The following SASH1 variants were observed in gnomAD, a reference collection of about 807,000 sequenced individuals.
The protein encoded by SASH1 is SAM and SH3 domain containing 1, also known as SAM and SH3 domain-containing protein 1.
SASH1 carries 44 observed loss-of-function variants against 125.2 expected under a neutral mutation model. That is an observed-to-expected ratio of 0.35 (90% CI 0.28 to 0.45). SASH1 has a LOEUF of 0.45. Ranked by LOEUF, SASH1 falls within the 20% of genes least tolerant of loss-of-function variation. SASH1 has a pLI of 1.00. For missense variants in SASH1, 1,426 were observed against 1,614.5 expected (o/e 0.88, Z 2.00); for synonymous variants, 639 against 649.1 (o/e 0.98, Z 0.24).
intron 1 of SASH1, among the ~76,000 whole-genome samples, chr6:148,326,386 T>TATATATATATACACA (rs1780826472): frequency 1.6e-5 from 1 of 63,194 alleles, no homozygotes; most frequent in Non-Finnish European, 3.0e-5. Flanking sequence ...ATTCTTTTCT[T>TATATATATATACACA]TTCTTTTCTT....
At chr6:148,512,999 C>A in intron 8 of SASH1, 4 of 985,310 alleles carry the variant, frequency 4.1e-6, no homozygotes, top group Non-Finnish European at 4.8e-6. Flanking sequence ...CCCTTACTAT[C>A]CTTGTACTAA....
intron 4 of SASH1, among the ~76,000 whole-genome samples, chr6:148,461,197 G>C (rs1188449210): frequency 6.6e-6 from 1 of 152,208 alleles, no homozygotes; most frequent in Non-Finnish European, 1.5e-5. Flanking sequence ...TGGCAGCGCT[G>C]TCATTTACCC....
chr6:148,495,120 A>G lies in SASH1; in HGVS notation c.729+7405A>G, dbSNP rs1263909420. 6.6e-6 allele frequency among the ~76,000 whole-genome samples: 1 copy of G among 152,236 alleles called. No individual in the cohort carries two copies. The highest frequency in any genetic ancestry group is 1.5e-5 in the Non-Finnish European group (1 of 68,040). ...TAGTCGAAATAGAACATTCTGAAAG[A>G]TAATTTGCTAATAACAATTCTGGTA... On this transcript the variant is annotated intron_variant, in intron 8 of 19. Transcript: ENST00000367467. This position sits in a 1 kb window ranked among gnomAD's most constrained non-coding sequence, Gnocchi z 4.0.
chr6:148,265,629 T>A, the SASH1 span, among the ~76,000 whole-genome samples: 1 of 152,154 alleles, frequency 6.6e-6, no homozygotes, highest in African/African-American at 2.4e-5. Flanking sequence ...CATAAGAGCA[T>A]TGATTAATGT....
upstream of SASH1, among the ~76,000 whole-genome samples, chr6:148,339,913 A>AT (rs1333031028): frequency 4.6e-5 from 7 of 152,188 alleles, no homozygotes; most frequent in Non-Finnish European, 1.0e-4. Context: ...ACCCTGAAAC[A>AT]TACTATAACC....
chr6:148,471,594 A>G, intron 6 of SASH1, 91 bp downstream of exon 6: 1 of 776,712 alleles, frequency 1.3e-6, no homozygotes, highest in South Asian at 1.6e-5. Context: ...GCTATAAGTT[A>G]GCGTAACTCA....
intron 2 of SASH1, among the ~76,000 whole-genome samples, chr6:148,399,959 A>G (rs1261539741): frequency 6.6e-6 from 1 of 152,250 alleles, no homozygotes; most frequent in Non-Finnish European, 1.5e-5. Flanking sequence ...TAACAATTAT[A>G]TACATTTTTA....
intron 1 of SASH1, among the ~76,000 whole-genome samples, chr6:148,343,787 G>T (rs567574994): frequency 2.6e-5 from 4 of 152,290 alleles, no homozygotes; most frequent in African/African-American, 9.6e-5. Context: ...GAAATGTCCA[G>T]TGACTAAAAG....
In SASH1 at chr6:148,544,668, G is replaced by C. The variant is rs1307883378; in HGVS notation, c.3198G>C (p.Glu1066Asp). The change falls in exon 18 of 20, where the codon GAG (glutamate) becomes GAC (aspartate). Residue 1066 changes from glutamate (E) to aspartate (D), a missense_variant. Coordinates refer to ENST00000367467, the MANE Select transcript of SASH1 (RefSeq NM_015278.5). The surrounding 1 kb of genome is among the most constrained non-coding windows in gnomAD (Gnocchi z 6.4). ...RPPPWLSELP[E>D]NTSLQEHGVK... ...CCCCCTGGCTCTCAGAGCTCCCCGAGAACACAAGCCTCCAGGAGCACGGTG... is the reference window on the plus strand; with the variant it reads ...CCCCCTGGCTCTCAGAGCTCCCCGACAACACAAGCCTCCAGGAGCACGGTG... 6.2e-7 allele frequency: 1 copy of C among 1,613,310 alleles called. No individual in the cohort carries two copies. The highest frequency in any genetic ancestry group is 1.7e-5 in the Admixed American group (1 of 59,934).
intron 16 of SASH1, among the ~76,000 whole-genome samples, chr6:148,536,752 G>T (rs971510473): frequency 1.3e-5 from 2 of 152,186 alleles, no homozygotes; most frequent in African/African-American, 4.8e-5. Flanking sequence ...ACTGCTCCAT[G>T]CCACTTTGGC....
At chr6:148,325,466 A>T (rs952872079) in intron 1 of SASH1, among the ~76,000 whole-genome samples, 8 of 151,948 alleles carry the variant, frequency 5.3e-5, no homozygotes, top group Non-Finnish European at 1.2e-4. Context: ...TTTTAGCAGG[A>T]TTTCACCAAG....
At chr6:148,389,843 C>T (rs1783626849) in intron 1 of SASH1, among the ~76,000 whole-genome samples, 2 of 152,208 alleles carry the variant, frequency 1.3e-5, no homozygotes, top group South Asian at 4.1e-4. Context: ...ACCAGACCGT[C>T]CGAGGTTGGA....
In SASH1 at chr6:148,519,841, G is replaced by C. The variant is rs770363005; in HGVS notation, c.1157G>C (p.Arg386Pro). Residue 386 changes from arginine (R) to proline (P), a missense_variant, in exon 10 of 20, where the codon CGC becomes CCC. By Grantham distance (103) the Arg-to-Pro change is moderately radical. Around this residue, in one of 3 missense-constraint regions of SASH1, gnomAD observed 567 missense variants for 575.6 expected, o/e 0.99. Coordinates refer to ENST00000367467, the MANE Select transcript of SASH1 (RefSeq NM_015278.5). This position sits in a 1 kb window ranked among gnomAD's most constrained non-coding sequence, Gnocchi z 4.8. ...GAAGAAAAGGCCCAGAAAGTGTCCC[G>C]CTCCCTCACCGAGGGGGAGATGAAG... is the stretch of plus-strand genomic sequence containing the variant. The part of the protein sequence containing the change: ...PEEEKAQKVS[R>P]SLTEGEMKKG... 6.2e-7 allele frequency: 1 copy of C among 1,608,056 alleles called. No individual in the cohort carries two copies. The highest frequency in any genetic ancestry group is 8.5e-7 in the Non-Finnish European group (1 of 1,177,644).
rs60023983 is a variant in SASH1, at chr6:148,528,000, T to A, written c.1428+404T>A. Reference sequence around the variant, plus strand: ...AGCTTTTTTTTTTTGGGGGGGGGGGTGGCAGTAGACTTGTCGATCATAGCA... The same window carrying A: ...AGCTTTTTTTTTTTGGGGGGGGGGGAGGCAGTAGACTTGTCGATCATAGCA... On this transcript the variant is annotated intron_variant, in intron 12 of 19. Coordinates refer to ENST00000367467, the MANE Select transcript of SASH1 (RefSeq NM_015278.5). Among the ~76,000 whole-genome samples the A allele has an allele frequency of 5.6e-5, 4 of 72,020 alleles. 1 individual carries two copies. The highest frequency in any genetic ancestry group is 1.8e-4 in the African/African-American group (3 of 16,220). The allele number at this position is 72,020 out of a possible 152,430, so 47.2% of individuals were successfully genotyped here.
At chr6:148,302,662 T>TACACACAC (rs749409477) in intron 1 of SASH1, among the ~76,000 whole-genome samples, 13 of 66,826 alleles carry the variant, frequency 1.9e-4, no homozygotes, top group South Asian at 5.4e-4. Flanking sequence ...TGTATATATA[T>TACACACAC]ACACACACAC....
intron 1 of SASH1, among the ~76,000 whole-genome samples, chr6:148,320,003 TA>T (rs1006856957): frequency 2.6e-4 from 39 of 152,352 alleles, no homozygotes; most frequent in African/African-American, 8.9e-4. Context: ...AAGTCACCCT[TA>T]TTTTGCCTCA....
intron 1 of SASH1, among the ~76,000 whole-genome samples, chr6:148,322,745 T>C (rs934125214): frequency 1.3e-5 from 2 of 152,216 alleles, no homozygotes; most frequent in African/African-American, 4.8e-5. Flanking sequence ...TCTCTCTCTC[T>C]CAGACATTGT....
intron 1 of SASH1, among the ~76,000 whole-genome samples, chr6:148,373,566 A>G (rs1408751539): frequency 6.6e-6 from 1 of 152,220 alleles, no homozygotes; most frequent in African/African-American, 2.4e-5. Context: ...GCAGAGGGAC[A>G]TGATCTGACT....
Position 148,527,445 on chromosome 6 carries a change from T to C in SASH1, c.1285-8T>C. 1 of 1,567,486 alleles carries C rather than the reference T, an allele frequency of 6.4e-7. No homozygotes were observed. Among genetic ancestry groups the C allele is most frequent in the Non-Finnish European group, 8.6e-7 (1 of 1,163,416 alleles). On this transcript the variant is annotated splice_region_variant and splice_polypyrimidine_tract_variant and intron_variant, in intron 11 of 19. Transcript: ENST00000367467. Reference sequence around the variant, plus strand: ...GACCAACAATACTTGCAACATTTTGTTTTACAGGGTAAAGAAGGAGACTTT... The same window carrying C: ...GACCAACAATACTTGCAACATTTTGCTTTACAGGGTAAAGAAGGAGACTTT...
Sources: gnomAD v4.1 joint callset for allele counts (sites outside exome capture counted in the v4.1 genomes callset) on GRCh38, gnomAD v4.1.1 for gene constraint, gnomAD v4.1.1 regional missense constraint, Gnocchi (gnomAD v3.1) non-coding constraint, MANE v1.5 for transcripts, NCBI Gene and HGNC (gene_info 2026-07-23, HGNC 2026-07-21) for gene names.